SPAG16: variants seen among roughly 807,000 people sequenced by gnomAD.
SPAG16 encodes sperm-associated antigen 16 protein.
A neutral mutation model predicts 80.4 loss-of-function variants in SPAG16; 86 were observed. The observed-to-expected ratio is 1.07, with a 90% CI of 0.90 to 1.28. SPAG16 has a LOEUF of 1.28. Ranked by LOEUF, SPAG16 falls within the 50% of genes most tolerant of loss-of-function variation. The probability of loss-of-function intolerance (pLI) is 0.00; values close to 1 mark genes in which losing one functional copy is unlikely to be tolerated. For synonymous variants in SPAG16, 294 were observed against 265.9 expected (o/e 1.11, Z -1.03); for missense variants, 870 against 765.3 (o/e 1.14, Z -1.61).
At chr2:214,377,437 T>A (rs1235980966) in intron 15 of SPAG16, among the ~76,000 whole-genome samples, 2 of 152,226 alleles carry the variant, frequency 1.3e-5, no homozygotes, top group East Asian at 3.8e-4. Context: ...ATGATTCATC[T>A]TGTACACAGA....
intron 10 of SPAG16, among the ~76,000 whole-genome samples, chr2:213,618,721 C>A (rs1388312095): frequency 1.7e-5 from 2 of 119,236 alleles, no homozygotes; most frequent in Non-Finnish European, 3.6e-5. Context: ...TTTTTTTTTT[C>A]TTTGCATGCA....
At chr2:213,583,568 A>G (rs1298998780) in intron 10 of SPAG16, among the ~76,000 whole-genome samples, 1 of 152,198 alleles carries the variant, frequency 6.6e-6, no homozygotes, top group Non-Finnish European at 1.5e-5. Flanking sequence ...AAACATAAAG[A>G]GATTGTGTTA....
intron 13 of SPAG16, among the ~76,000 whole-genome samples, chr2:214,018,474 G>C (rs1465918698): frequency 6.6e-6 from 1 of 152,052 alleles, no homozygotes; most frequent in South Asian, 2.1e-4. Context: ...AACCAGATTA[G>C]CTAAAGTTTT....
intron 13 of SPAG16, among the ~76,000 whole-genome samples, chr2:214,106,125 C>G (rs1395143792): frequency 6.6e-6 from 1 of 152,020 alleles, no homozygotes; most frequent in East Asian, 1.9e-4. Flanking sequence ...GCAAAACTTT[C>G]ATTAATACAA....
chr2:213,366,941 C>A (rs1302698648), intron 8 of SPAG16, among the ~76,000 whole-genome samples: 2 of 152,076 alleles, frequency 1.3e-5, no homozygotes, highest in Non-Finnish European at 2.9e-5. Context: ...TCCCCATTCC[C>A]CCTACCCCAT....
At chr2:214,348,817 G>C (rs1698220754) in intron 15 of SPAG16, among the ~76,000 whole-genome samples, 1 of 152,182 alleles carries the variant, frequency 6.6e-6, no homozygotes, top group African/African-American at 2.4e-5. Context: ...AATATCATGA[G>C]CTATAAGAAT....
chr2:214,103,805 G>A (rs1051702923), intron 13 of SPAG16, among the ~76,000 whole-genome samples: 5 of 152,122 alleles, frequency 3.3e-5, no homozygotes, highest in African/African-American at 1.2e-4. Flanking sequence ...GGGGCAGGGA[G>A]GGCTGGGTGA....
chr2:213,639,868 G>A (rs1222384975), intron 10 of SPAG16, among the ~76,000 whole-genome samples: 1 of 152,066 alleles, frequency 6.6e-6, no homozygotes, highest in Non-Finnish European at 1.5e-5. Flanking sequence ...TCTTCCTCAG[G>A]AACATCAATT....
At chr2:214,212,537 G>A (rs1212469317) in intron 15 of SPAG16, among the ~76,000 whole-genome samples, 3 of 152,028 alleles carry the variant, frequency 2.0e-5, no homozygotes, top group Admixed American at 6.6e-5. Flanking sequence ...GGCTTCCACC[G>A]TGATTGTGCC....
chr2:213,412,125 CGATCACCTGCTCCACCCTAACACATTCT>C (rs2069006554), intron 9 of SPAG16, among the ~76,000 whole-genome samples: 1 of 152,044 alleles, frequency 6.6e-6, no homozygotes, highest in African/African-American at 2.4e-5. Context: ...TAACTCATTC[CGATCACCTGCTCCACCCTAACACATTCT>C]GATCACCTGC....
intron 10 of SPAG16, among the ~76,000 whole-genome samples, chr2:213,753,860 T>C (rs2068197525): frequency 5.9e-5 from 9 of 152,174 alleles, no homozygotes; most frequent in Admixed American, 5.9e-4. Context: ...GTTGAGTAGA[T>C]ATGGCCAGAT....
At chr2:213,925,736 A>G (rs2078440393) in intron 11 of SPAG16, among the ~76,000 whole-genome samples, 1 of 152,162 alleles carries the variant, frequency 6.6e-6, no homozygotes, top group South Asian at 2.1e-4. Flanking sequence ...CACCCCTGTG[A>G]CTTATTTTCT....
Position 213,980,607 on chromosome 2 carries a change from A to AATATAT in SPAG16, c.1401-33344_1401-33343insATATAT, listed in dbSNP as rs1575718520. Reference sequence around the variant, plus strand: ...ATATATAGAATATATGTATATATGGAGTATATGTATATATATAGAATATAT... The same window carrying AATATAT: ...ATATATAGAATATATGTATATATGGAATATATGTATATGTATATATATAGAATATAT... On this transcript the variant is annotated intron_variant, in intron 12 of 15. Transcript: ENST00000331683. 3.5e-5 allele frequency among the ~76,000 whole-genome samples: 5 copies of AATATAT among 143,558 alleles called. No homozygotes were observed. The South Asian group carries it at 6.4e-4, about 18-fold the overall frequency. The allele number at this position is 143,558 out of a possible 152,430, so 94.2% of individuals were successfully genotyped here. A position where few individuals can be genotyped will look rare whatever the true frequency, so the allele number is the denominator to read the frequency against.
chr2:213,523,261 C>T (rs529837482), intron 10 of SPAG16, among the ~76,000 whole-genome samples: 14 of 152,240 alleles, frequency 9.2e-5, no homozygotes, highest in African/African-American at 1.9e-4. Context: ...TCCTTTCTGC[C>T]GCCATGTGAA....
chr2:213,645,428 C>G (rs897130133), intron 10 of SPAG16, among the ~76,000 whole-genome samples: 39 of 152,234 alleles, frequency 2.6e-4, no homozygotes, highest in African/African-American at 9.4e-4. Flanking sequence ...GGTATCGCTG[C>G]TGGTTATTCA....
At chr2:214,405,435 T>C (rs1701942593) in intron 15 of SPAG16, among the ~76,000 whole-genome samples, 3 of 152,188 alleles carry the variant, frequency 2.0e-5, no homozygotes. Flanking sequence ...AAATCTTAAT[T>C]TATGAAAGAA....
chr2:213,295,021 T>A (rs1020927967), intron 1 of SPAG16, among the ~76,000 whole-genome samples: 2 of 152,144 alleles, frequency 1.3e-5, no homozygotes, highest in African/African-American at 4.8e-5. Context: ...TGTGTAAGTG[T>A]TATCTGTTCT....
intron 15 of SPAG16, among the ~76,000 whole-genome samples, chr2:214,328,360 G>A (rs113842736): frequency 0.066 from 10,092 of 151,974 alleles, 862 homozygotes; most frequent in African/African-American, 0.2. Flanking sequence ...ATGGGGTTTC[G>A]CTCTGTTGGC....
At chr2:214,075,752 ATTT>A (rs893597098) in intron 13 of SPAG16, among the ~76,000 whole-genome samples, 1 of 152,192 alleles carries the variant, frequency 6.6e-6, no homozygotes, top group African/African-American at 2.4e-5. Context: ...AAACTGATTT[ATTT>A]TTATCTCAGT....
Sources: gnomAD v4.1 joint callset for allele counts (sites outside exome capture counted in the v4.1 genomes callset) on GRCh38, gnomAD v4.1.1 for gene constraint, MANE v1.5 for transcripts, NCBI Gene and HGNC (gene_info 2026-07-23, HGNC 2026-07-21) for gene names.